The following ITM2C variants were observed in gnomAD, a reference collection of about 807,000 sequenced individuals.
ITM2C encodes the protein integral membrane protein 2C, also known as BRICHOS domain containing 2C.
Under a neutral mutation model 30.0 loss-of-function variants are expected in ITM2C, and 20 were observed. The observed-to-expected ratio is 0.67, with a 90% CI of 0.47 to 0.97. The LOEUF (loss-of-function observed/expected upper bound fraction) is 0.97, where lower values mean the gene tolerates loss of function less well. Ranked by LOEUF, ITM2C falls within the 50% of genes least tolerant of loss-of-function variation. The pLI is 0.00. For synonymous variants in ITM2C, 167 were observed against 156.4 expected, an observed-to-expected ratio of 1.07 and a Z score of -0.51; for missense variants, 366 against 371.9, an observed-to-expected ratio of 0.98 and a Z score of 0.13.
At chr2:230,869,307 A>G (rs1219238887) in intron 1 of ITM2C, among the ~76,000 whole-genome samples, 1 of 152,256 alleles carries the variant, frequency 6.6e-6, no homozygotes, top group Non-Finnish European at 1.5e-5. Flanking sequence ...AAGGGAGGAC[A>G]GGAGAGTGAT....
rs1452230129 is a variant in ITM2C, at chr2:230,876,057, C to T, written c.450+249C>T. On this transcript the variant is annotated intron_variant, in intron 3 of 5. Transcript: ENST00000326427. Reference sequence around the variant, plus strand: ...GCTGGCTGTCATGGCAGGGCCAGTGCGTTGTATCGAGGGGTAGTACATTCA... The same window carrying T: ...GCTGGCTGTCATGGCAGGGCCAGTGTGTTGTATCGAGGGGTAGTACATTCA... Among the ~76,000 whole-genome samples, 7 of 152,220 alleles carry T rather than the reference C, an allele frequency of 4.6e-5. No homozygotes were observed. The East Asian group carries it at 1.2e-3, about 25-fold the overall frequency.
rs918483038 is a variant in ITM2C, at chr2:230,868,733, G to T, written c.120+3588G>T. 3.9e-5 allele frequency among the ~76,000 whole-genome samples: 6 copies of T among 152,290 alleles called. No homozygotes were observed. The South Asian group carries it at 1.2e-3, about 32-fold the overall frequency. On this transcript the variant is annotated intron_variant, in intron 1 of 5. Coordinates refer to ENST00000326427, the MANE Select transcript of ITM2C (RefSeq NM_030926.6). ...AGGAGCTGGGTCTCCTGGAGCGGTT[G>T]GGGGAGGGTCCCGTGCCAGCCAGGA... is the stretch of plus-strand genomic sequence containing the variant.
Position 230,865,338 on chromosome 2 carries a change from C to T in ITM2C, c.120+193C>T. On this transcript the variant is annotated intron_variant, in intron 1 of 5. Coordinates refer to ENST00000326427, the MANE Select transcript of ITM2C (RefSeq NM_030926.6). This position sits in a 1 kb window ranked among gnomAD's most constrained non-coding sequence, Gnocchi z 6.8. Reference sequence around the variant, plus strand: ...CTTAAGTCCCGTACTAAAGCGGCAGCCAAAAGCTGAAGTCCGAAGAGTGGG... The same window carrying T: ...CTTAAGTCCCGTACTAAAGCGGCAGTCAAAAGCTGAAGTCCGAAGAGTGGG... The T allele has an allele frequency of 1.9e-6, 1 of 535,050 alleles. No individual in the cohort carries two copies. The highest frequency in any genetic ancestry group is 2.8e-6 in the Non-Finnish European group (1 of 351,214). The allele number at this position is 535,050 out of a possible 1,614,324, so 33.1% of individuals were successfully genotyped here.
At position 230,865,781 on chromosome 2, in the gene ITM2C, CG is replaced by C; in HGVS notation, c.120+641del. 6.6e-6 allele frequency: 1 copy of C among 152,494 alleles called. No individual in the cohort carries two copies. The highest frequency in any genetic ancestry group is 1.5e-5 in the Non-Finnish European group (1 of 68,162). 9.4% of individuals were successfully genotyped at this position (152,494 alleles called of 1,614,324 possible). ...CGACGGCGCTGCGGCCTCTGGACGTCGGGGGTCCGAGGCCGGGTGCCCCCTT... is the reference window on the plus strand; with the variant it reads ...CGACGGCGCTGCGGCCTCTGGACGTCGGGGTCCGAGGCCGGGTGCCCCCTT... On this transcript the variant is annotated intron_variant, in intron 1 of 5. Transcript: ENST00000326427. The surrounding 1 kb of genome is among the most constrained non-coding windows in gnomAD (Gnocchi z 6.8).
rs747265880 is a variant in ITM2C at position 230,865,116 on chromosome 2, G to A, written c.91G>A (p.Ala31Thr). ...GGCGTCGGCCCCTGCGCCGGCCTCG[G>A]CCACCGAGATCCTGCTGACGCCGGC... ...ASASAPAPAS[A>T]TEILLTPARE... is the part of the protein sequence containing the mutation. Residue 31 changes from alanine to threonine, a missense_variant, in exon 1 of 6, where the codon GCC (alanine) becomes ACC (threonine). Physicochemically the swap from Ala to Thr is moderately conservative, Grantham distance 58. Coordinates refer to ENST00000326427, the MANE Select transcript of ITM2C (RefSeq NM_030926.6). This position sits in a 1 kb window ranked among gnomAD's most constrained non-coding sequence, Gnocchi z 6.8. The A allele has an allele frequency of 2.9e-5, 44 of 1,503,764 alleles. No individual in the cohort carries two copies. The Admixed American group carries it at 8.7e-4, about 30-fold the overall frequency. The allele number at this position is 1,503,764 out of a possible 1,614,324, so 93.2% of individuals were successfully genotyped here.
At chr2:230,869,568 G>A (rs1351232088) in intron 1 of ITM2C, among the ~76,000 whole-genome samples, 2 of 152,206 alleles carry the variant, frequency 1.3e-5, no homozygotes, top group Non-Finnish European at 2.9e-5. Context: ...CATCTTCCCT[G>A]TTCTCAGCCT....
In ITM2C at chr2:230,873,568, G is replaced by A. The variant is rs780816837; in HGVS notation, c.261+11G>A. 17 of 1,594,390 alleles carry A rather than the reference G, an allele frequency of 1.1e-5. No homozygotes were observed. The highest frequency in any genetic ancestry group is 2.3e-5 in the East Asian group (1 of 43,078). On this transcript the variant is annotated intron_variant, in intron 2 of 5. Transcript: ENST00000326427. ...TTCTTCCTTGCGCAGGTGAGGGGCC[G>A]GGCCAGGTAGGGGCAAGGCCTCGAG...
At chr2:230,873,205 C>G in intron 1 of ITM2C, 1 of 457,608 alleles carries the variant, frequency 2.2e-6, no homozygotes, top group South Asian at 6.0e-5. Context: ...GTCTCCTTTT[C>G]TCTTTCGAGG....
chr2:230,872,206 G>A (rs1188016699), intron 1 of ITM2C, among the ~76,000 whole-genome samples: 2 of 152,208 alleles, frequency 1.3e-5, no homozygotes, highest in Non-Finnish European at 2.9e-5. Flanking sequence ...CCAATACTGC[G>A]GCAGTCCGCA....
At chr2:230,870,983 G>A (rs1174235565) in intron 1 of ITM2C, among the ~76,000 whole-genome samples, 1 of 152,118 alleles carries the variant, frequency 6.6e-6, no homozygotes, top group Non-Finnish European at 1.5e-5. Context: ...CTCAACAGCT[G>A]TCCACAGAGT....
At chr2:230,868,187 T>C (rs1261701638) in intron 1 of ITM2C, among the ~76,000 whole-genome samples, 2 of 148,684 alleles carry the variant, frequency 1.3e-5, no homozygotes, top group African/African-American at 5.0e-5. Context: ...GACCTGAGAC[T>C]GGAAGGAAGT....
chr2:230,866,060 C>A (rs1697021510), intron 1 of ITM2C, among the ~76,000 whole-genome samples: 1 of 152,196 alleles, frequency 6.6e-6, no homozygotes, highest in African/African-American at 2.4e-5. Flanking sequence ...GTCTGAGCTG[C>A]GTGCCTTGTG....
rs1388473769 is a variant in ITM2C at position 230,873,444 on chromosome 2, A to C, written c.148A>C (p.Lys50Gln). 3 of 1,604,834 alleles carry C rather than the reference A, an allele frequency of 1.9e-6. No homozygotes were observed. Among genetic ancestry groups the C allele is most frequent in the Non-Finnish European group, 2.6e-6 (3 of 1,175,804 alleles). ...REEQPPQHRSKRGGSVGGVCY... is the reference protein window; with the variant it reads ...REEQPPQHRSQRGGSVGGVCY... ...GGAGCAGCCCCCACAACATCGATCC[A>C]AGAGGGGGGGCTCAGTGGGCGGCGT... Residue 50 changes from lysine to glutamine, a missense_variant, in exon 2 of 6, where the codon AAG becomes CAG. Transcript: ENST00000326427.
rs2125011822 is a variant in ITM2C at position 230,865,606 on chromosome 2, G to C, written c.120+461G>C. The stretch of plus-strand genomic sequence containing the variant: ...GGGCGGTGGGACCTGATTGGCTGGG[G>C]AATTGGGGGTGGGGGGGTCTGGTAC... On this transcript the variant is annotated intron_variant, in intron 1 of 5. Coordinates refer to ENST00000326427, the MANE Select transcript of ITM2C (RefSeq NM_030926.6). The surrounding 1 kb of genome is among the most constrained non-coding windows in gnomAD (Gnocchi z 6.8). The C allele has an allele frequency of 7.5e-6, 1 of 132,776 alleles. No individual in the cohort carries two copies. Among genetic ancestry groups the C allele is most frequent in the East Asian group, 2.7e-4 (1 of 3,682 alleles). The allele number at this position is 132,776 out of a possible 1,614,324, so 8.2% of individuals were successfully genotyped here.
chr2:230,876,701 T>G (rs3111748), intron 3 of ITM2C, among the ~76,000 whole-genome samples, 156 bp from the exon 4 acceptor site: 12,249 of 152,024 alleles, frequency 0.081, 537 homozygotes, highest in African/African-American at 0.11. Flanking sequence ...CAGGATGGTC[T>G]CGATCTCCTG....
At position 230,878,206 on chromosome 2, in the gene ITM2C, T is replaced by C. The variant is rs912941711; in HGVS notation, c.*107T>C. ...TTAGCTTGTACTTTGGACGCGTTTC[T>C]ATAGAGGTGACATGTCTCTCCATTC... On this transcript the variant is annotated 3_prime_UTR_variant, in exon 6 of 6. Transcript: ENST00000326427. The surrounding 1 kb of genome is among the most constrained non-coding windows in gnomAD (Gnocchi z 4.5). 77 of 716,252 alleles carry C rather than the reference T, an allele frequency of 1.1e-4. No individual in the cohort carries two copies. The highest frequency in any genetic ancestry group is 3.8e-4 in the Middle Eastern group (1 of 2,608). The allele number at this position is 716,252 out of a possible 1,614,324, so 44.4% of individuals were successfully genotyped here.
Position 230,878,373 on chromosome 2 carries a change from C to A in ITM2C, c.*274C>A. ...CCCACTGTCTTGAAGCTGGGCCTGC[C>A]AAAGCCTGGGCCCACAGCTGCACCG... On this transcript the variant is annotated 3_prime_UTR_variant, in exon 6 of 6. Transcript: ENST00000326427. The surrounding 1 kb of genome is among the most constrained non-coding windows in gnomAD (Gnocchi z 4.5). The A allele has an allele frequency of 8.5e-6, 2 of 234,032 alleles. No homozygotes were observed. The highest frequency in any genetic ancestry group is 8.3e-6 in the Non-Finnish European group (1 of 120,348). The allele number at this position is 234,032 out of a possible 1,614,324, so 14.5% of individuals were successfully genotyped here.
In ITM2C at chr2:230,865,159, G is replaced by A. The variant is rs1402245611; in HGVS notation, c.120+14G>A. The A allele has an allele frequency of 1.4e-6, 2 of 1,423,794 alleles. No homozygotes were observed. The highest frequency in any genetic ancestry group is 1.9e-6 in the Non-Finnish European group (2 of 1,076,304). The allele number at this position is 1,423,794 out of a possible 1,614,324, so 88.2% of individuals were successfully genotyped here. ...ACGCCGGCTAGGGTGAGAGGGTCTG[G>A]GGCTCAGGCGGTGGGGCGGGGGACC... On this transcript the variant is annotated intron_variant, in intron 1 of 5. Coordinates refer to ENST00000326427, the MANE Select transcript of ITM2C (RefSeq NM_030926.6). This position sits in a 1 kb window ranked among gnomAD's most constrained non-coding sequence, Gnocchi z 6.8.
rs1689949879 is a variant in ITM2C, at chr2:230,877,680, C to G, written c.712+130C>G. 4.2e-6 allele frequency: 4 copies of G among 959,830 alleles called. No individual in the cohort carries two copies. Among genetic ancestry groups the G allele is most frequent in the South Asian group, 3.1e-5 (2 of 64,180 alleles). 59.5% of individuals were successfully genotyped at this position (959,830 alleles called of 1,614,324 possible). On this transcript the variant is annotated intron_variant, in intron 5 of 5. Coordinates refer to ENST00000326427, the MANE Select transcript of ITM2C (RefSeq NM_030926.6). The surrounding 1 kb of genome is among the most constrained non-coding windows in gnomAD (Gnocchi z 4.8). Reference sequence around the variant, plus strand: ...AACAGCTAGCATTAGCAGAGCACTTCCGTGTGCCGGGCAATGCTGTGTGCT... The same window carrying G: ...AACAGCTAGCATTAGCAGAGCACTTGCGTGTGCCGGGCAATGCTGTGTGCT...
Sources: allele counts gnomAD v4.1 joint callset (sites outside exome capture counted in the v4.1 genomes callset), GRCh38; gene constraint gnomAD v4.1.1; non-coding constraint Gnocchi (gnomAD v3.1); transcripts MANE v1.5; gene names NCBI Gene and HGNC (gene_info 2026-07-23, HGNC 2026-07-21).